POMT1: variants seen among roughly 807,000 people sequenced by gnomAD.
The protein encoded by POMT1 is protein O-mannosyltransferase 1, also known as protein O-mannosyl-transferase 1.
Under a neutral mutation model 101.6 loss-of-function variants are expected in POMT1, and 85 were observed. The observed-to-expected ratio is 0.84, with a 90% CI of 0.70 to 1.00. The LOEUF (loss-of-function observed/expected upper bound fraction) is 1.00, where lower values mean the gene tolerates loss of function less well. POMT1 is among the 50% of genes least tolerant of loss of function. POMT1 has a pLI of 0.00. For missense variants in POMT1, 857 were observed against 930.4 expected (o/e 0.92, Z 1.03); for synonymous variants, 371 against 383.0 (o/e 0.97, Z 0.37).
At position 131,506,229 on chromosome 9, in the gene POMT1, C is replaced by A; in HGVS notation, c.229+9C>A. On this transcript the variant is annotated intron_variant, in intron 3 of 19. Coordinates refer to ENST00000402686, the MANE Select transcript of POMT1 (RefSeq NM_001077365.2). Reference sequence around the variant, plus strand: ...GGTGCTGGCCTTGGGAGGTAGGAGTCATCAGGAGAGTAGCCCCTACCCTTC... The same window carrying A: ...GGTGCTGGCCTTGGGAGGTAGGAGTAATCAGGAGAGTAGCCCCTACCCTTC... 1 of 1,612,302 alleles carries A rather than the reference C, an allele frequency of 6.2e-7. No homozygotes were observed. Among genetic ancestry groups the A allele is most frequent in the South Asian group, 1.1e-5 (1 of 91,002 alleles).
chr9:131,511,575 A>G, intron 10 of POMT1, 108 bp downstream of exon 10: 6 of 1,490,122 alleles, frequency 4.0e-6, no homozygotes, highest in Non-Finnish European at 4.6e-6. Context: ...TGCAGGACAG[A>G]AAGAAGTTGA....
At chr9:131,511,819 G>A (rs2131678386) in intron 10 of POMT1, 2 of 598,712 alleles carry the variant, frequency 3.3e-6, no homozygotes, top group Non-Finnish European at 5.9e-6. Flanking sequence ...AACTTTAGGA[G>A]AAAGGCGTGT....
chr9:131,522,949 G>C lies in POMT1; in HGVS notation c.2021G>C (p.Ser674Thr). The change falls in exon 20 of 20, where the codon AGC (serine) becomes ACC (threonine). Residue 674 changes from serine (S) to threonine (T), a missense_variant. By Grantham distance (58) the Ser-to-Thr change is moderately conservative. Coordinates refer to ENST00000402686, the MANE Select transcript of POMT1 (RefSeq NM_001077365.2). The surrounding 1 kb of genome is among the most constrained non-coding windows in gnomAD (Gnocchi z 5.5). ...DHLCRSQLQRSIFSALVVAWY... is the reference protein window; with the variant it reads ...DHLCRSQLQRTIFSALVVAWY... ...CTCTGCAGGTCCCAGCTCCAGAGGA[G>C]CATCTTCAGCGCCCTGGTGGTGGCC... 1 of 1,595,316 alleles carries C rather than the reference G, an allele frequency of 6.3e-7. No homozygotes were observed. Among genetic ancestry groups the C allele is most frequent in the Non-Finnish European group, 8.5e-7 (1 of 1,173,006 alleles).
At chr9:131,516,481 G>A (rs17147966) in intron 13 of POMT1, 132,048 of 155,490 alleles carry the variant, frequency 0.85, 57,362 homozygotes, top group South Asian at 0.96. Flanking sequence ...TGAAACTGCC[G>A]TTGAGAATAA....
chr9:131,523,312 A>G lies in POMT1; in HGVS notation c.*206A>G, dbSNP rs111470256. 2.1e-3 allele frequency: 1,367 copies of G among 637,462 alleles called. 11 individuals are homozygous for G. The highest frequency in any genetic ancestry group is 0.019 in the African/African-American group (1,049 of 55,130). The allele number at this position is 637,462 out of a possible 1,614,324, so 39.5% of individuals were successfully genotyped here. On this transcript the variant is annotated 3_prime_UTR_variant, in exon 20 of 20. Transcript: ENST00000402686. ...GTGCAAAGTTAATTTTTTCTCGACA[A>G]TAAAGATATTCCGTGTCTTTACCCC...
rs1949295150 is a variant in POMT1 at position 131,518,833 on chromosome 9, C to G, written c.1366-4C>G. The G allele has an allele frequency of 6.2e-7, 1 of 1,613,858 alleles. No homozygotes were observed. The highest frequency in any genetic ancestry group is 8.5e-7 in the Non-Finnish European group (1 of 1,180,054). On this transcript the variant is annotated splice_region_variant and splice_polypyrimidine_tract_variant and intron_variant, in intron 14 of 19. Transcript: ENST00000402686. Reference sequence around the variant, plus strand: ...CGCCCTTTACTCTCCTGCGGTGTCACCAGCTGAGCGGGGCTCACCTCCCTG... The same window carrying G: ...CGCCCTTTACTCTCCTGCGGTGTCAGCAGCTGAGCGGGGCTCACCTCCCTG...
intron 4 of POMT1, 62 bp from the exon 5 acceptor site, chr9:131,507,306 G>A (rs1282449043): frequency 3.1e-6 from 5 of 1,610,262 alleles, no homozygotes; most frequent in African/African-American, 1.3e-5. Context: ...AAGCATAGCT[G>A]CAGTACACAG....
intron 13 of POMT1, among the ~76,000 whole-genome samples, chr9:131,517,235 CTT>C (rs34281101): frequency 4.9e-5 from 7 of 144,304 alleles, no homozygotes; most frequent in Admixed American, 6.9e-5. Context: ...TGCTGATGTT[CTT>C]TTTTTTTTTT....
intron 14 of POMT1, 70 bp from the exon 15 acceptor site, chr9:131,518,767 T>G: frequency 1.2e-6 from 2 of 1,612,774 alleles, no homozygotes; most frequent in Non-Finnish European, 1.7e-6. Context: ...GGGGTTCCCC[T>G]TCCAACCCAA....
At position 131,515,554 on chromosome 9, in the gene POMT1, C is replaced by T. The variant is rs760827385; in HGVS notation, c.1272+32C>T. The stretch of plus-strand genomic sequence containing the variant: ...AAGGCTGCGGCTATAGCAGCCACAA[C>T]CGTCAGTAATGAACACTCCCTCACA... On this transcript the variant is annotated intron_variant, in intron 13 of 19. Transcript: ENST00000402686. 8.8e-6 allele frequency: 14 copies of T among 1,593,648 alleles called. No individual in the cohort carries two copies. In the South Asian group the frequency reaches 1.5e-4, roughly 18 times the overall value.
Position 131,520,154 on chromosome 9 carries a change from G to A in POMT1, c.1659G>A (p.Leu553=). 1.2e-6 allele frequency: 2 copies of A among 1,613,806 alleles called. No individual in the cohort carries two copies. The highest frequency in any genetic ancestry group is 1.7e-6 in the Non-Finnish European group (2 of 1,180,024). ...YSSSPLEWVT[L]DTNIAYWLHP... ...CCAGCCCACTGGAGTGGGTCACCCTGGACACCAATATTGCCTACTGGCTGC... is the reference window on the plus strand; with the variant it reads ...CCAGCCCACTGGAGTGGGTCACCCTAGACACCAATATTGCCTACTGGCTGC... Residue 553 remains leucine (L), a synonymous_variant, in exon 17 of 20, where the codon CTG becomes CTA. Transcript: ENST00000402686.
rs145464516 is a variant in POMT1 at position 131,518,910 on chromosome 9, A to G, written c.1439A>G (p.Tyr480Cys). 4.1e-5 allele frequency: 66 copies of G among 1,613,650 alleles called. No homozygotes were observed. In the African/African-American group the frequency reaches 7.5e-4, roughly 18 times the overall value. ...EIVGEKLSRG[Y>C]HGSTVWNVEE... is the part of the protein sequence containing the mutation. ...GTCGGGGAGAAGCTGTCCCGGGGCT[A>G]CCACGGGAGCACGGTGTGGAACGTG... The change falls in exon 15 of 20, where the codon TAC (tyrosine) becomes TGC (cysteine). Residue 480 changes from tyrosine to cysteine, a missense_variant. Coordinates refer to ENST00000402686, the MANE Select transcript of POMT1 (RefSeq NM_001077365.2).
In POMT1 at chr9:131,518,453, G is replaced by A. The variant is rs139720304; in HGVS notation, c.1281G>A (p.Val427=). ...GAGATGTCTTTTTGCAGGAAATTGT[G>A]AACAGAGGATCTGACACAGACGTCT... The part of the protein sequence containing the change: ...PAQNLWRLEI[V]NRGSDTDVWK... The change falls in exon 14 of 20, where the codon GTG becomes GTA. Residue 427 remains valine (V), a synonymous_variant. Transcript: ENST00000402686. 9 of 1,613,254 alleles carry A rather than the reference G, an allele frequency of 5.6e-6. No individual in the cohort carries two copies. Among genetic ancestry groups the A allele is most frequent in the African/African-American group, 1.3e-5 (1 of 74,912 alleles).
At chr9:131,516,965 T>C (rs1208015999) in intron 13 of POMT1, 1 of 152,192 alleles carries the variant, frequency 6.6e-6, no homozygotes, top group Admixed American at 6.5e-5. Context: ...CGGAATCGGG[T>C]CTCCTGGGAA....
intron 1 of POMT1, among the ~76,000 whole-genome samples, 184 bp from the exon 2 acceptor site, chr9:131,504,005 G>A (rs1367907444): frequency 6.6e-6 from 1 of 152,208 alleles, no homozygotes; most frequent in African/African-American, 2.4e-5. Flanking sequence ...TCCCACCCGA[G>A]TTCACTGCTA....
rs1415622281 is a variant in POMT1, at chr9:131,511,389, C to T, written c.908C>T (p.Ser303Phe). ...QGQPLEVAFGSQVTLRNVFGK... is the reference protein window; with the variant it reads ...QGQPLEVAFGFQVTLRNVFGK... ...CAGCCACTGGAGGTGGCCTTTGGGT[C>T]CCAGGTCACTCTGAGGAACGTCTTT... Residue 303 changes from serine (S) to phenylalanine (F), a missense_variant, in exon 10 of 20, where the codon TCC becomes TTC. Coordinates refer to ENST00000402686, the MANE Select transcript of POMT1 (RefSeq NM_001077365.2). The T allele has an allele frequency of 1.9e-6, 3 of 1,613,878 alleles. No homozygotes were observed. The highest frequency in any genetic ancestry group is 1.7e-6 in the Non-Finnish European group (2 of 1,179,876).
intron 13 of POMT1, among the ~76,000 whole-genome samples, chr9:131,515,995 GCACTTCCTCTAACACAGGA>G (rs74205407): frequency 0.13 from 2,600 of 20,082 alleles, 147 homozygotes; most frequent in South Asian, 0.25. Context: ...CTCACACGGA[GCACTTCCTCTAACACAGGA>G]CACTTCCTCA....
At position 131,522,264 on chromosome 9, in the gene POMT1, G is replaced by C. The variant is rs1950090151; in HGVS notation, c.2003+40G>C. The C allele has an allele frequency of 6.2e-7, 1 of 1,608,720 alleles. No homozygotes were observed. The highest frequency in any genetic ancestry group is 1.3e-5 in the African/African-American group (1 of 74,926). On this transcript the variant is annotated intron_variant, in intron 19 of 19. Transcript: ENST00000402686. The surrounding 1 kb of genome is among the most constrained non-coding windows in gnomAD (Gnocchi z 5.5). ...GAGACAGTGGCTGGACCGGGCAGCA[G>C]CCCTCTGCTGGGAAGCCCATGCGCA...
rs1370475834 is a variant in POMT1 at position 131,518,627 on chromosome 9, G to A, written c.1365+90G>A. 10 of 1,428,180 alleles carry A rather than the reference G, an allele frequency of 7.0e-6. No individual in the cohort carries two copies. In the East Asian group the frequency reaches 1.1e-4, roughly 16 times the overall value. 88.5% of individuals were successfully genotyped at this position (1,428,180 alleles called of 1,614,324 possible). The stretch of plus-strand genomic sequence containing the variant: ...CTCAGGCTTCACCGCCTCTCTGCAG[G>A]CGGAACGCTTCATTTGAGTCATCAT... On this transcript the variant is annotated intron_variant, in intron 14 of 19. Coordinates refer to ENST00000402686, the MANE Select transcript of POMT1 (RefSeq NM_001077365.2).
Sources: gnomAD v4.1 joint callset for allele counts (sites outside exome capture counted in the v4.1 genomes callset) on GRCh38, gnomAD v4.1.1 for gene constraint, Gnocchi (gnomAD v3.1) non-coding constraint, MANE v1.5 for transcripts, NCBI Gene and HGNC (gene_info 2026-07-23, HGNC 2026-07-21) for gene names.